Variants in SETD2 observed in about 807,000 individuals in gnomAD.
SETD2 encodes the protein SET domain containing 2, histone lysine methyltransferase, also known as histone-lysine N-methyltransferase SETD2.
Under a neutral mutation model 242.1 loss-of-function variants are expected in SETD2, and 31 were observed. That is an observed-to-expected ratio of 0.13 (90% CI 0.10 to 0.17). The LOEUF is 0.17. Among genes scored for constraint, SETD2 ranks in the 10% least tolerant of loss-of-function variants. The pLI, the probability that SETD2 is intolerant of heterozygous loss-of-function variation, is 1.00. For synonymous variants in SETD2, 1,006 were observed against 1,066.5 expected (o/e 0.94, Z 1.11); for missense variants, 2,481 against 3,046.3 (o/e 0.81, Z 4.37).
chr3:47,100,450 G>A (rs1366512275), intron 8 of SETD2, among the ~76,000 whole-genome samples: 1 of 151,402 alleles, frequency 6.6e-6, no homozygotes, highest in Admixed American at 6.6e-5. Context: ...TAGTATGGAC[G>A]GGGTTTCACC....
intron 1 of SETD2, among the ~76,000 whole-genome samples, chr3:47,139,173 T>C (rs541711906): frequency 6.6e-6 from 1 of 152,202 alleles, no homozygotes; most frequent in African/African-American, 2.4e-5. Flanking sequence ...TTTGTATTGC[T>C]CGTTTCATCA....
In SETD2 at chr3:47,122,852, G is replaced by T. The variant is rs2106689034; in HGVS notation, c.1784C>A (p.Ser595Ter). Reference sequence around the variant, plus strand: ...AATCATTCTTAATTCACTACCTTTTGAACAAGGTGTCTGTAAACTAAAAGA... The same window carrying T: ...AATCATTCTTAATTCACTACCTTTTTAACAAGGTGTCTGTAAACTAAAAGA... ...SHSFSLQTPC[S>*]KGSELRMINK... The change falls in exon 3 of 21, where the codon TCA (serine) becomes TAA (stop). Residue 595 changes from serine to a stop codon, truncating the protein, a stop_gained. Transcript: ENST00000409792. LOFTEE classifies it high-confidence loss of function. 6.2e-7 allele frequency: 1 copy of T among 1,612,562 alleles called. No homozygotes were observed. The highest frequency in any genetic ancestry group is 1.1e-5 in the South Asian group (1 of 90,916).
intron 13 of SETD2, among the ~76,000 whole-genome samples, chr3:47,063,587 T>C (rs898294419): frequency 1.3e-5 from 2 of 152,184 alleles, no homozygotes. Flanking sequence ...GAATCGTTCT[T>C]AATCTCACTG....
chr3:47,153,652 C>T (rs1449504882), intron 1 of SETD2, among the ~76,000 whole-genome samples: 1 of 151,898 alleles, frequency 6.6e-6, no homozygotes, highest in Non-Finnish European at 1.5e-5. Context: ...ACTTGGGAGG[C>T]TGAGGCAGGA....
chr3:47,085,794 G>A (rs1039503932), intron 11 of SETD2, among the ~76,000 whole-genome samples: 12 of 152,180 alleles, frequency 7.9e-5, no homozygotes, highest in Admixed American at 5.2e-4. Context: ...TCCTCAAAAT[G>A]TTCATACTCT....
intron 10 of SETD2, 64 bp from the exon 11 acceptor site, chr3:47,086,378 A>G: frequency 1.3e-6 from 2 of 1,546,946 alleles, no homozygotes; most frequent in Non-Finnish European, 1.8e-6. Flanking sequence ...TATTACAAAG[A>G]GCCCGAGGAG....
At chr3:47,059,343 T>G (rs887084888) in intron 14 of SETD2, among the ~76,000 whole-genome samples, 6 of 151,740 alleles carry the variant, frequency 4.0e-5, no homozygotes, top group Non-Finnish European at 4.4e-5. Context: ...CTCAAACTCC[T>G]GACCTCAAGT....
chr3:47,090,767 G>C (rs1469468405), intron 9 of SETD2, among the ~76,000 whole-genome samples: 1 of 152,108 alleles, frequency 6.6e-6, no homozygotes, highest in African/African-American at 2.4e-5. Context: ...GGAGAAGACA[G>C]GTAACATTAC....
chr3:47,127,512 G>C, intron 1 of SETD2: 1 of 439,270 alleles, frequency 2.3e-6, no homozygotes, highest in Non-Finnish European at 4.5e-6. Flanking sequence ...AGGATCACTT[G>C]AGTTCAGGAG....
At chr3:47,063,061 C>G (rs2040406802) in intron 13 of SETD2, among the ~76,000 whole-genome samples, 1 of 152,162 alleles carries the variant, frequency 6.6e-6, no homozygotes, top group Non-Finnish European at 1.5e-5. Context: ...TCTGTGCATA[C>G]TCAAGTCCCA....
At chr3:47,116,481 A>G (rs529245057) in intron 4 of SETD2, 142 bp downstream of exon 4, 1 of 700,026 alleles carries the variant, frequency 1.4e-6, no homozygotes, top group South Asian at 1.8e-5. Context: ...TCTACTATAC[A>G]TCAAAGTGTC....
At chr3:47,132,457 A>G (rs143479031) in intron 1 of SETD2, among the ~76,000 whole-genome samples, 150 of 152,322 alleles carry the variant, frequency 9.8e-4, no homozygotes, top group African/African-American at 3.4e-3. Flanking sequence ...ACTGCACTCC[A>G]GCCTAGAAGA....
At chr3:47,069,910 G>A (rs1390953912) in intron 12 of SETD2, among the ~76,000 whole-genome samples, 3 of 152,176 alleles carry the variant, frequency 2.0e-5, no homozygotes, top group Non-Finnish European at 4.4e-5. Context: ...AGGGAAAAAA[G>A]GTATTCTGCT....
chr3:47,116,424 A>G (rs1404607580), intron 4 of SETD2, among the ~76,000 whole-genome samples, 199 bp downstream of exon 4: 1 of 152,218 alleles, frequency 6.6e-6, no homozygotes, highest in Non-Finnish European at 1.5e-5. Context: ...GGGTACTGTA[A>G]TCTAATGCAC....
intron 12 of SETD2, among the ~76,000 whole-genome samples, chr3:47,073,130 AAC>A (rs1388749401): frequency 6.9e-5 from 10 of 144,130 alleles, no homozygotes; most frequent in African/African-American, 2.7e-4. Flanking sequence ...TAGCCTGGGT[AAC>A]AGAGTGACAT....
Position 47,123,912 on chromosome 3 carries a change from G to C in SETD2, c.724C>G (p.Pro242Ala), listed in dbSNP as rs2106715282. 6.4e-7 allele frequency: 1 copy of C among 1,551,946 alleles called. No homozygotes were observed. The highest frequency in any genetic ancestry group is 2.0e-5 in the Admixed American group (1 of 51,006). Residue 242 changes from proline to alanine, a missense_variant, in exon 3 of 21, where the codon CCA (proline) becomes GCA (alanine). Around this residue, in one of 17 missense-constraint regions of SETD2, gnomAD observed 334 missense variants for 374.5 expected, o/e 0.89. Transcript: ENST00000409792. ...DVAVRSLKEPPIIIVPESLEA... is the reference protein window; with the variant it reads ...DVAVRSLKEPAIIIVPESLEA... ...AAAGATTCTGGTACAATTATAATTG[G>C]TGGTTCTTTCAGAGATCTAACTGCT...
At chr3:47,107,561 C>T (rs1466520403) in intron 5 of SETD2, among the ~76,000 whole-genome samples, 2 of 152,042 alleles carry the variant, frequency 1.3e-5, no homozygotes, top group South Asian at 2.1e-4. Context: ...AAATTATTAC[C>T]TCTATAACCA....
chr3:47,045,452 A>T (rs1267952223), intron 16 of SETD2, among the ~76,000 whole-genome samples: 3 of 148,796 alleles, frequency 2.0e-5, no homozygotes, highest in Non-Finnish European at 4.4e-5. Flanking sequence ...CAGGAGGCGG[A>T]GCTTGCAGTG....
At chr3:47,128,501 C>T (rs937219323) in intron 1 of SETD2, among the ~76,000 whole-genome samples, 1 of 152,078 alleles carries the variant, frequency 6.6e-6, no homozygotes, top group African/African-American at 2.4e-5. Flanking sequence ...CATATAAAAC[C>T]CTTTTCCCCA....
Sources: gnomAD v4.1 joint callset for allele counts (sites outside exome capture counted in the v4.1 genomes callset) on GRCh38, gnomAD v4.1.1 for gene constraint, gnomAD v4.1.1 regional missense constraint, MANE v1.5 for transcripts, NCBI Gene and HGNC (gene_info 2026-07-23, HGNC 2026-07-21) for gene names.